The following ZNF790 variants were observed in gnomAD, a reference collection of about 807,000 sequenced individuals.
The protein encoded by ZNF790 is zinc finger protein 790.
ZNF790 carries 8 observed loss-of-function variants against 12.1 expected under a neutral mutation model. That is an observed-to-expected ratio of 0.66 (90% CI 0.39 to 1.19). The LOEUF (loss-of-function observed/expected upper bound fraction) is 1.19. ZNF790 is among the 50% of genes most tolerant of loss of function. The pLI is 0.01. For missense variants in ZNF790, 707 were observed against 752.2 expected, an observed-to-expected ratio of 0.94 and a Z score of 0.70; for synonymous variants, 252 against 244.3, an observed-to-expected ratio of 1.03 and a Z score of -0.29.
At chr19:36,840,977 C>T (rs1338470609), upstream of ZNF790, among the ~76,000 whole-genome samples, 2 of 151,992 alleles carry the variant, frequency 1.3e-5, no homozygotes, top group Non-Finnish European at 2.9e-5. Context: ...AAGACCCTAC[C>T]TCAAAAATTA....
At chr19:36,825,459 G>A (rs375236894) in intron 2 of ZNF790, 152 bp downstream of exon 2, 104 of 843,152 alleles carry the variant, frequency 1.2e-4, no homozygotes, top group East Asian at 5.7e-4. Flanking sequence ...AGAAAAGAGG[G>A]ATATCTAGGG....
At chr19:36,830,370 G>A (rs942422689) in intron 1 of ZNF790, among the ~76,000 whole-genome samples, 8 of 152,138 alleles carry the variant, frequency 5.3e-5, no homozygotes, top group Non-Finnish European at 1.2e-4. Flanking sequence ...AGCCAACCTT[G>A]CATTTCTGGG....
chr19:36,837,178 C>T (rs2072063458), intron 1 of ZNF790, among the ~76,000 whole-genome samples: 1 of 152,236 alleles, frequency 6.6e-6, no homozygotes, highest in African/African-American at 2.4e-5. Flanking sequence ...CATCAAGTCT[C>T]ATTTGTCCCC....
rs981700241 is a variant in ZNF790 at position 36,843,967 on chromosome 19, A to T, written c.-74+6035T>A. Among the ~76,000 whole-genome samples, 3 of 146,602 alleles carry T rather than the reference A, an allele frequency of 2.0e-5. No individual in the cohort carries two copies. In the Admixed American group the frequency reaches 2.1e-4, roughly 10 times the overall value. On this transcript the variant is annotated intron_variant, in intron 1 of 4. Coordinates refer to the ZNF790 transcript ENST00000528994. The stretch of plus-strand genomic sequence containing the variant: ...GGGTGCAGTGAGCCGAGATTGCACC[A>T]TTGCACTCCAGCCTTGGCAACAAGA...
rs540363807 is a variant in ZNF790 at position 36,825,755 on chromosome 19, T to C, written c.-73-63A>G. ...AGCTCTCAAAGGGACAAATAGGAAA[T>C]GCCATTTTCTTCCTTGGAGGTAAGT... On this transcript the variant is annotated intron_variant, in intron 1 of 4. Coordinates refer to ENST00000356725, the MANE Select transcript of ZNF790 (RefSeq NM_206894.4). The C allele has an allele frequency of 7.2e-5, 69 of 953,312 alleles. No individual in the cohort carries two copies. In the East Asian group the frequency reaches 1.4e-3, roughly 20 times the overall value. 59.1% of individuals were successfully genotyped at this position (953,312 alleles called of 1,614,324 possible).
intron 3 of ZNF790, 34 bp from the exon 4 acceptor site, chr19:36,823,414 A>G: frequency 6.3e-7 from 1 of 1,589,112 alleles, no homozygotes; most frequent in Non-Finnish European, 8.6e-7. Flanking sequence ...AAAGAACCAC[A>G]TTGTAAAGAT....
chr19:36,843,311 G>A (rs1026361481), upstream of ZNF790, among the ~76,000 whole-genome samples: 3 of 152,208 alleles, frequency 2.0e-5, no homozygotes, highest in Admixed American at 2.0e-4. Flanking sequence ...GGTTGGGTCA[G>A]GAGGCTCAGG....
At chr19:36,825,132 G>C (rs73607668) in intron 2 of ZNF790, among the ~76,000 whole-genome samples, 2,045 of 152,246 alleles carry the variant, frequency 0.013, 53 homozygotes, top group African/African-American at 0.046. Context: ...GAAAATCCCA[G>C]ATCTCTTTGA....
intron 1 of ZNF790, chr19:36,837,631 A>G (rs773674671): frequency 6.7e-6 from 1 of 150,338 alleles, no homozygotes; most frequent in Non-Finnish European, 1.5e-5. Flanking sequence ...TAATTCTTGC[A>G]TTTTTAACTA....
intron 1 of ZNF790, among the ~76,000 whole-genome samples, chr19:36,827,139 CACATATATAT>C (rs1273677531): frequency 3.8e-4 from 27 of 70,214 alleles, no homozygotes; most frequent in African/African-American, 1.3e-3. Context: ...CACACACACA[CACATATATAT>C]ATATATATAT....
At chr19:36,820,259 A>C in intron 4 of ZNF790, 145 bp from the exon 5 acceptor site, 1 of 812,440 alleles carries the variant, frequency 1.2e-6, no homozygotes, top group Middle Eastern at 3.8e-4. Context: ...ATATGAAAAA[A>C]AGGGCAAGAA....
intron 1 of ZNF790, among the ~76,000 whole-genome samples, chr19:36,827,163 T>C (rs1487461312): frequency 0.014 from 1,661 of 122,360 alleles, 67 homozygotes; most frequent in African/African-American, 0.043. Flanking sequence ...TATATATATA[T>C]ATATATATAT....
Position 36,844,643 on chromosome 19 carries a change from A to T in ZNF790, c.-74+5359T>A, listed in dbSNP as rs545250152. Among the ~76,000 whole-genome samples the T allele has an allele frequency of 4.7e-4, 72 of 152,230 alleles. 1 individual carries two copies. In the East Asian group the frequency reaches 6.2e-3, roughly 13 times the overall value. On this transcript the variant is annotated intron_variant, in intron 1 of 4. Coordinates refer to the ZNF790 transcript ENST00000528994. ...AGTTCACCAAAACTCTGAGAAAAAA[A>T]ATATATATAACCTAGAATTCTATAG...
At chr19:36,849,601 C>T (rs114029354) in intron 1 of ZNF790, among the ~76,000 whole-genome samples, 1,945 of 152,054 alleles carry the variant, frequency 0.013, 34 homozygotes, top group African/African-American at 0.043. Flanking sequence ...ATAAAAAATG[C>T]TATTTTATTA....
chr19:36,822,920 G>A (rs1314462833), intron 4 of ZNF790, among the ~76,000 whole-genome samples: 11 of 151,620 alleles, frequency 7.3e-5, no homozygotes, highest in African/African-American at 1.9e-4. Flanking sequence ...GCACGATCTC[G>A]GCTCACTGCA....
At position 36,819,518 on chromosome 19, in the gene ZNF790, G is replaced by A. The variant is rs771095221; in HGVS notation, c.826C>T (p.His276Tyr). ...CATTCATAAGATTTCTCACCAGTAT[G>A]AATTCGCTTATGGACACTAAGTTGT... ...HSQLSVHKRI[H>Y]TGEKSYECKE... is the part of the protein sequence containing the mutation. The change falls in exon 5 of 5, where the codon CAT becomes TAT. Residue 276 changes from histidine (H) to tyrosine (Y), a missense_variant. His to Tyr is a moderately conservative substitution (Grantham distance 83, BLOSUM62 2). Coordinates refer to ENST00000356725, the MANE Select transcript of ZNF790 (RefSeq NM_206894.4). 2.5e-6 allele frequency: 4 copies of A among 1,612,830 alleles called. No homozygotes were observed. The Admixed American group carries it at 5.0e-5, about 20-fold the overall frequency.
At chr19:36,826,973 T>C (rs955370899) in intron 1 of ZNF790, among the ~76,000 whole-genome samples, 1 of 150,524 alleles carries the variant, frequency 6.6e-6, no homozygotes, top group Non-Finnish European at 1.5e-5. Flanking sequence ...CCCACATAAA[T>C]GGCAATGCAG....
chr19:36,845,063 A>G (rs1600675636), intron 1 of ZNF790, among the ~76,000 whole-genome samples: 1 of 149,906 alleles, frequency 6.7e-6, no homozygotes, highest in Non-Finnish European at 1.5e-5. Flanking sequence ...AAAAAAAAAA[A>G]AAAAAAAAAA....
intron 1 of ZNF790, among the ~76,000 whole-genome samples, chr19:36,829,561 C>G (rs2071904063): frequency 6.6e-6 from 1 of 152,216 alleles, no homozygotes; most frequent in African/African-American, 2.4e-5. Context: ...TTGTTTCCAC[C>G]TTTTGACAAT....
Sources: allele counts gnomAD v4.1 joint callset (sites outside exome capture counted in the v4.1 genomes callset), GRCh38; gene constraint gnomAD v4.1.1; transcripts MANE v1.5; gene names NCBI Gene and HGNC (gene_info 2026-07-23, HGNC 2026-07-21).